The following GSTM2 variants were observed in gnomAD, a reference collection of about 807,000 sequenced individuals.
GSTM2 encodes glutathione S-transferase mu 2.
A neutral mutation model predicts 33.3 loss-of-function variants in GSTM2; 33 were observed. The observed-to-expected ratio is 0.99, with a 90% CI of 0.75 to 1.33. The LOEUF (loss-of-function observed/expected upper bound fraction) is 1.33, where lower values mean the gene tolerates loss of function less well. Among genes scored for constraint, GSTM2 ranks in the 40% most tolerant of loss-of-function variants. The pLI is 0.00. For synonymous variants in GSTM2, 93 were observed against 95.6 expected (o/e 0.97, Z 0.16); for missense variants, 213 against 265.8 (o/e 0.80, Z 1.38).
chr1:109,682,462 G>GCCC (rs1647876828), intron 7 of GSTM2, among the ~76,000 whole-genome samples: 1 of 80,002 alleles, frequency 1.2e-5, no homozygotes, highest in African/African-American at 3.7e-5. Context: ...GGATGGTCTT[G>GCCC]ATCTCCTGAC....
chr1:109,673,790 G>T (rs1455802005), intron 7 of GSTM2, among the ~76,000 whole-genome samples: 1 of 152,126 alleles, frequency 6.6e-6, no homozygotes, highest in Non-Finnish European at 1.5e-5. Context: ...GTAGAGATGG[G>T]TTTTCACCAT....
At chr1:109,673,771 G>A (rs1647624403) in intron 7 of GSTM2, among the ~76,000 whole-genome samples, 1 of 152,132 alleles carries the variant, frequency 6.6e-6, no homozygotes, top group African/African-American at 2.4e-5. Flanking sequence ...GCTAATTTTT[G>A]TATTTTTAGT....
Position 109,671,275 on chromosome 1 carries a change from T to C in GSTM2, c.361-12T>C. 6.2e-7 allele frequency: 1 copy of C among 1,602,334 alleles called. No homozygotes were observed. The highest frequency in any genetic ancestry group is 8.6e-7 in the Non-Finnish European group (1 of 1,169,430). On this transcript the variant is annotated splice_polypyrimidine_tract_variant and intron_variant, in intron 5 of 7. Coordinates refer to ENST00000241337, the MANE Select transcript of GSTM2 (RefSeq NM_000848.4). ...TGTGTCTGAGGGTGTTGACAGCTGT[T>C]TTCTGCCTCAGGAGAAACTGAAACC...
downstream of GSTM2, among the ~76,000 whole-genome samples, chr1:109,679,743 G>T (rs1056245707): frequency 2.6e-5 from 4 of 152,212 alleles, no homozygotes; most frequent in African/African-American, 9.7e-5. Context: ...GTGGCATAAT[G>T]TGATGGTTAG....
intron 7 of GSTM2, among the ~76,000 whole-genome samples, chr1:109,671,832 G>A (rs193015957): frequency 8.5e-5 from 13 of 152,064 alleles, no homozygotes; most frequent in African/African-American, 1.4e-4. Flanking sequence ...TTAGCTGGGC[G>A]TGGTGGCGAG....
chr1:109,671,181 G>A (rs1310208419), intron 5 of GSTM2, 106 bp from the exon 6 acceptor site: 1 of 764,884 alleles, frequency 1.3e-6, no homozygotes, highest in Non-Finnish European at 2.4e-6. Context: ...CTGTGGGGAA[G>A]ATGACTGCTT....
At chr1:109,675,989 C>T (rs931665142), downstream of GSTM2, among the ~76,000 whole-genome samples, 9 of 152,268 alleles carry the variant, frequency 5.9e-5, no homozygotes, top group South Asian at 8.3e-4. Context: ...TGGCAGAAGG[C>T]GAATGAGGAC....
chr1:109,676,629 G>A (rs1218226758), downstream of GSTM2, among the ~76,000 whole-genome samples: 1 of 152,120 alleles, frequency 6.6e-6, no homozygotes, highest in African/African-American at 2.4e-5. Context: ...GGAATTACAT[G>A]CGTGAGCCAC....
At chr1:109,678,285 C>T (rs1647754947), downstream of GSTM2, among the ~76,000 whole-genome samples, 1 of 152,130 alleles carries the variant, frequency 6.6e-6, no homozygotes, top group Non-Finnish European at 1.5e-5. Context: ...GCTGGGACTA[C>T]AGGCATACAC....
At chr1:109,672,612 A>G (rs1471154878) in intron 7 of GSTM2, among the ~76,000 whole-genome samples, 7 of 152,224 alleles carry the variant, frequency 4.6e-5, no homozygotes, top group African/African-American at 1.4e-4. Context: ...ACACTTTGGA[A>G]GAGGCAGAGC....
At chr1:109,669,670 T>A (rs1468115242) in intron 5 of GSTM2, 99 bp downstream of exon 5, 1 of 763,078 alleles carries the variant, frequency 1.3e-6, no homozygotes, top group Non-Finnish European at 2.2e-6. Context: ...TCTGGTGAGT[T>A]CTTGGTCTTG....
intron 2 of GSTM2, 58 bp downstream of exon 2, chr1:109,668,558 C>CTTAGTGG: frequency 6.4e-7 from 1 of 1,572,638 alleles, no homozygotes; most frequent in Non-Finnish European, 8.8e-7. Context: ...CACCAAGCAA[C>CTTAGTGG]CGATAGTGGC....
At position 109,668,492 on chromosome 1, in the gene GSTM2, T is replaced by C; in HGVS notation, c.104T>C (p.Met35Thr). Residue 35 changes from methionine (M) to threonine (T), a missense_variant, in exon 2 of 8, where the codon ATG becomes ACG. Physicochemically the swap from Met to Thr is moderately conservative, Grantham distance 81 (BLOSUM62 -1). Transcript: ENST00000241337. ...DSSYEEKKYT[M>T]GDAPDYDRSQ... ...AGCTACGAGGAAAAGAAGTACACGA[T>C]GGGGGACGGTAATGGCACCCTCGAG... 2 of 1,614,076 alleles carry C rather than the reference T, an allele frequency of 1.2e-6. No individual in the cohort carries two copies.
downstream of GSTM2, among the ~76,000 whole-genome samples, chr1:109,676,310 T>C (rs1310751990): frequency 6.6e-6 from 1 of 152,198 alleles, no homozygotes; most frequent in African/African-American, 2.4e-5. Context: ...GGTGAGTAGG[T>C]CGATGCCAGT....
chr1:109,678,500 A>G (rs1647762646), downstream of GSTM2, among the ~76,000 whole-genome samples: 1 of 152,120 alleles, frequency 6.6e-6, no homozygotes, highest in Non-Finnish European at 1.5e-5. Context: ...TGATCCCGGC[A>G]CTTTGGGAGG....
At chr1:109,670,848 A>G (rs765133414) in intron 5 of GSTM2, 2 of 157,272 alleles carry the variant, frequency 1.3e-5, no homozygotes, top group Non-Finnish European at 2.8e-5. Flanking sequence ...TCCTCTGAAT[A>G]TCTCCTCATC....
rs558374120 is a variant in GSTM2, at chr1:109,680,460, T to G, written c.567+8877T>G. 2.9e-3 allele frequency among the ~76,000 whole-genome samples: 422 copies of G among 147,752 alleles called. 3 individuals are homozygous for G. The highest frequency in any genetic ancestry group is 4.4e-3 in the Admixed American group (63 of 14,258). On this transcript the variant is annotated intron_variant, in intron 7 of 7. Transcript: ENST00000369831. ...AGATTTTGAGGGAAGATATTATCTT[T>G]CCTGGTAAATCTCCGTGTTGATGAT...
chr1:109,672,264 G>C (rs1006571215), intron 7 of GSTM2, among the ~76,000 whole-genome samples: 1 of 151,778 alleles, frequency 6.6e-6, no homozygotes, highest in Non-Finnish European at 1.5e-5. Context: ...TGGGCAACAA[G>C]AGTGAAACTC....
intron 2 of GSTM2, 161 bp from the exon 3 acceptor site, chr1:109,668,764 A>C (rs1469686341): frequency 4.8e-5 from 44 of 915,476 alleles, no homozygotes; most frequent in Non-Finnish European, 1.0e-5. Context: ...CAGAGCCCTC[A>C]CTGGAATTCT....
Sources: gnomAD v4.1 joint callset for allele counts (sites outside exome capture counted in the v4.1 genomes callset) on GRCh38, gnomAD v4.1.1 for gene constraint, MANE v1.5 for transcripts, NCBI Gene and HGNC (gene_info 2026-07-23, HGNC 2026-07-21) for gene names.